Variants in BMPR2 observed in about 807,000 individuals in gnomAD.
The protein encoded by BMPR2 is bone morphogenetic protein receptor type 2.
In BMPR2, 29 loss-of-function variants were observed where a neutral mutation model predicts 100.8. The ratio of observed to expected loss-of-function variants is 0.29; its 90% CI spans 0.21 to 0.39. The LOEUF is 0.39. BMPR2 is among the 10% of genes least tolerant of loss of function. The pLI is 1.00. For missense variants in BMPR2, 1,011 were observed against 1,274.5 expected (o/e 0.79, Z 3.15); for synonymous variants, 382 against 442.3 (o/e 0.86, Z 1.71).
chr2:202,408,233 G>C (rs2105915170), intron 1 of BMPR2, among the ~76,000 whole-genome samples: 1 of 152,322 alleles, frequency 6.6e-6, no homozygotes, highest in South Asian at 2.1e-4. Context: ...CTGATTTTGG[G>C]TAAAATGCTA....
rs1473700838 is a variant in BMPR2 at position 202,495,891 on chromosome 2, A to C, written c.419-17828A>C. Among the ~76,000 whole-genome samples, 1 of 152,250 alleles carries C rather than the reference A, an allele frequency of 6.6e-6. No homozygotes were observed. Among genetic ancestry groups the C allele is most frequent in the Non-Finnish European group, 1.5e-5 (1 of 68,046 alleles). ...AGCAAAGAATGCTGAGCCTTCAAAA[A>C]ACTGTATGAGAAGACTCATTATACA... is the stretch of plus-strand genomic sequence containing the variant. On this transcript the variant is annotated intron_variant, in intron 3 of 12. Transcript: ENST00000374580. This position sits in a 1 kb window ranked among gnomAD's most constrained non-coding sequence, Gnocchi z 4.5.
chr2:202,498,599 C>G (rs1693094889), intron 3 of BMPR2, among the ~76,000 whole-genome samples: 1 of 152,132 alleles, frequency 6.6e-6, no homozygotes, highest in Non-Finnish European at 1.5e-5. Flanking sequence ...AGAAACAAAA[C>G]AAACCAAAAC....
intron 3 of BMPR2, among the ~76,000 whole-genome samples, chr2:202,473,223 A>G (rs1692471217): frequency 6.6e-6 from 1 of 151,976 alleles, no homozygotes; most frequent in East Asian, 1.9e-4. Context: ...GCTTGATCCC[A>G]GGAGTTTGAG....
At chr2:202,394,048 T>A (rs1690611511) in intron 1 of BMPR2, among the ~76,000 whole-genome samples, 1 of 152,004 alleles carries the variant, frequency 6.6e-6, no homozygotes, top group Admixed American at 6.6e-5. Context: ...AAGGAACCGG[T>A]TGTATAAAAG....
rs1362106840 is a variant in BMPR2, at chr2:202,566,806, C to T, written c.*6860C>T. ...TTTCTTTGAATCAGACAAGTTCAAG[C>T]TCTAAATTGATGTGCTATATACTTA... On this transcript the variant is annotated 3_prime_UTR_variant, in exon 13 of 13. Transcript: ENST00000374580. The T allele has an allele frequency of 6.6e-6, 1 of 152,148 alleles. No homozygotes were observed. The highest frequency in any genetic ancestry group is 2.1e-4 in the South Asian group (1 of 4,832). 9.4% of individuals were successfully genotyped at this position (152,148 alleles called of 1,614,324 possible). A position where few individuals can be genotyped will look rare whatever the true frequency, so the allele number is the denominator to read the frequency against.
rs184784193 is a variant in BMPR2, at chr2:202,469,110, A to G, written c.418+1421A>G. On this transcript the variant is annotated intron_variant, in intron 3 of 12. Coordinates refer to ENST00000374580, the MANE Select transcript of BMPR2 (RefSeq NM_001204.7). ...CAATGGCACGATCTCGGCTCACCAC[A>G]ACCTCTGCCTCCCAGGTTCAAGCGA... 4.6e-3 allele frequency among the ~76,000 whole-genome samples: 704 copies of G among 152,240 alleles called. 5 individuals are homozygous for G. The highest frequency in any genetic ancestry group is 0.014 in the African/African-American group (585 of 41,524).
chr2:202,383,395 A>G (rs1690342023), intron 1 of BMPR2, among the ~76,000 whole-genome samples: 1 of 152,088 alleles, frequency 6.6e-6, no homozygotes, highest in Non-Finnish European at 1.5e-5. Flanking sequence ...AAAATACAAA[A>G]TTAGGCCAGT....
chr2:202,514,828 G>A lies in BMPR2; in HGVS notation c.530-60G>A, dbSNP rs1355822580. 4 of 1,331,854 alleles carry A rather than the reference G, an allele frequency of 3.0e-6. No individual in the cohort carries two copies. In the East Asian group the frequency reaches 7.0e-5, roughly 23 times the overall value. 82.5% of individuals were successfully genotyped at this position (1,331,854 alleles called of 1,614,324 possible). ...TTTTAAGTGTAATATTATAAAAAGT[G>A]TAAAAAGATATTCATTTTAAGAAAA... is the stretch of plus-strand genomic sequence containing the variant. On this transcript the variant is annotated intron_variant, in intron 4 of 12. Transcript: ENST00000374580.
intron 3 of BMPR2, among the ~76,000 whole-genome samples, chr2:202,506,146 TTTTTTAA>T (rs1483541587): frequency 1.3e-5 from 2 of 151,692 alleles, no homozygotes; most frequent in South Asian, 2.1e-4. Context: ...GTGTCTCCTC[TTTTTTAA>T]TTTTTAATTA....
chr2:202,381,135 C>G (rs965564052), intron 1 of BMPR2, among the ~76,000 whole-genome samples: 1 of 151,728 alleles, frequency 6.6e-6, no homozygotes, highest in Non-Finnish European at 1.5e-5. Context: ...CCACCACACC[C>G]GGCTAATTTT....
chr2:202,556,901 ATGG>A (rs891452472), intron 12 of BMPR2, among the ~76,000 whole-genome samples: 8 of 152,046 alleles, frequency 5.3e-5, no homozygotes, highest in African/African-American at 1.9e-4. Flanking sequence ...CCTGGCCAAC[ATGG>A]TGAAACCCCA....
chr2:202,395,707 G>A (rs781640810), intron 1 of BMPR2, among the ~76,000 whole-genome samples: 8 of 152,048 alleles, frequency 5.3e-5, no homozygotes, highest in African/African-American at 1.4e-4. Context: ...AGGCTGAGGC[G>A]GGTGGATCAC....
intron 1 of BMPR2, among the ~76,000 whole-genome samples, chr2:202,419,652 G>A (rs190432520): frequency 1.3e-3 from 194 of 152,258 alleles, no homozygotes; most frequent in African/African-American, 4.5e-3. Context: ...ACTGCACCTG[G>A]TGTATGTTTT....
chr2:202,415,595 C>T (rs1291893382), intron 1 of BMPR2, among the ~76,000 whole-genome samples: 3 of 152,184 alleles, frequency 2.0e-5, no homozygotes, highest in Non-Finnish European at 2.9e-5. Context: ...TAAGTTGAAG[C>T]CGATGGTTAT....
intron 3 of BMPR2, 80 bp from the exon 4 acceptor site, chr2:202,513,639 T>C (rs1687661230): frequency 1.9e-6 from 2 of 1,055,144 alleles, no homozygotes; most frequent in South Asian, 1.3e-5. Flanking sequence ...GGGTACAGCC[T>C]TTCTAAAGGG....
At chr2:202,450,989 C>T (rs1343392722) in intron 1 of BMPR2, among the ~76,000 whole-genome samples, 2 of 152,100 alleles carry the variant, frequency 1.3e-5, no homozygotes, top group African/African-American at 4.8e-5. Flanking sequence ...TTAGATAGTT[C>T]ATTTTGACAT....
At chr2:202,507,200 T>C (rs1687536640) in intron 3 of BMPR2, among the ~76,000 whole-genome samples, 1 of 152,190 alleles carries the variant, frequency 6.6e-6, no homozygotes, top group African/African-American at 2.4e-5. Context: ...CTCTTCACTC[T>C]TGGAAGAGTC....
chr2:202,443,079 G>T (rs1450251845), intron 1 of BMPR2, among the ~76,000 whole-genome samples: 12 of 150,556 alleles, frequency 8.0e-5, no homozygotes, highest in Admixed American at 5.9e-4. Context: ...GAAGACACCA[G>T]ATCTTTTTTC....
At chr2:202,552,973 C>T in intron 11 of BMPR2, 85 bp downstream of exon 11, 1 of 1,508,940 alleles carries the variant, frequency 6.6e-7, no homozygotes, top group South Asian at 1.1e-5. Flanking sequence ...ACTTTTAAAC[C>T]AGCCTAATAG....
Sources: allele counts gnomAD v4.1 joint callset (sites outside exome capture counted in the v4.1 genomes callset), GRCh38; gene constraint gnomAD v4.1.1; non-coding constraint Gnocchi (gnomAD v3.1); transcripts MANE v1.5; gene names NCBI Gene and HGNC (gene_info 2026-07-23, HGNC 2026-07-21).